DGKI: variants seen among roughly 807,000 people sequenced by gnomAD.
The protein encoded by DGKI is DAG kinase iota.
A neutral mutation model predicts 147.5 loss-of-function variants in DGKI; 55 were observed. That is an observed-to-expected ratio of 0.37 (90% CI 0.30 to 0.47). The LOEUF is 0.47. DGKI is among the 20% of genes least tolerant of loss of function. The pLI, the probability that DGKI is intolerant of heterozygous loss-of-function variation, is 1.00. For missense variants in DGKI, 1,007 were observed against 1,323.8 expected, an observed-to-expected ratio of 0.76 and a Z score of 3.71; for synonymous variants, 469 against 477.1, an observed-to-expected ratio of 0.98 and a Z score of 0.22.
At chr7:137,469,923 T>C (rs1325566471) in intron 23 of DGKI, among the ~76,000 whole-genome samples, 1 of 152,218 alleles carries the variant, frequency 6.6e-6, no homozygotes, top group African/African-American at 2.4e-5. Flanking sequence ...ATTTCTTTCT[T>C]TCCCTTTGTG....
chr7:137,408,993 G>A (rs1306812030), intron 29 of DGKI, among the ~76,000 whole-genome samples: 1 of 152,204 alleles, frequency 6.6e-6, no homozygotes, highest in Non-Finnish European at 1.5e-5. Flanking sequence ...CCCATAAGGT[G>A]AAAGAGCATA....
At chr7:137,770,196 C>G (rs1200990384) in intron 1 of DGKI, among the ~76,000 whole-genome samples, 2 of 152,146 alleles carry the variant, frequency 1.3e-5, no homozygotes, top group African/African-American at 4.8e-5. Flanking sequence ...AGCCATCATT[C>G]TCAGCAAACT....
chr7:137,802,115 CATT>C (rs768319776), intron 1 of DGKI, among the ~76,000 whole-genome samples: 1 of 152,112 alleles, frequency 6.6e-6, no homozygotes, highest in Non-Finnish European at 1.5e-5. Flanking sequence ...AGCTGGAGGC[CATT>C]ATTCTATGTG....
In DGKI at chr7:137,530,505, T is replaced by C. The variant is rs980796867; in HGVS notation, c.2148-8539A>G. Among the ~76,000 whole-genome samples the C allele has an allele frequency of 2.0e-5, 3 of 152,196 alleles. 1 individual carries two copies. The highest frequency in any genetic ancestry group is 2.0e-4 in the Admixed American group (3 of 15,268). ...GTTTAAAACATAAATGTAATCATGA[T>C]ATGACAATGTTGCTCTCCCCATTAA... On this transcript the variant is annotated intron_variant, in intron 20 of 32. Coordinates refer to ENST00000614521, the MANE Select transcript of DGKI (RefSeq NM_001321708.2).
Position 137,465,915 on chromosome 7 carries a change from C to G in DGKI, c.2605G>C (p.Ala869Pro). Residue 869 changes from alanine (A) to proline (P), a missense_variant, in exon 26 of 33, where the codon GCC (alanine) becomes CCC (proline). This residue lies in a region of DGKI where 385 missense variants were observed against 445.2 expected (regional missense o/e 0.86). Transcript: ENST00000614521. The part of the protein sequence containing the change: ...PGMPDLVVEQ[A>P]SGISDWWNPA... Reference sequence around the variant, plus strand: ...CAGGAGAAGCACACTCACCCCGAGGCTTGTTCCACCACCAGGTCAGGCATG... The same window carrying G: ...CAGGAGAAGCACACTCACCCCGAGGGTTGTTCCACCACCAGGTCAGGCATG... 1 of 1,613,890 alleles carries G rather than the reference C, an allele frequency of 6.2e-7. No individual in the cohort carries two copies. The highest frequency in any genetic ancestry group is 1.1e-5 in the South Asian group (1 of 91,050).
At chr7:137,665,582 A>G (rs1822608694) in intron 3 of DGKI, among the ~76,000 whole-genome samples, 1 of 152,198 alleles carries the variant, frequency 6.6e-6, no homozygotes, top group South Asian at 2.1e-4. Flanking sequence ...AGCATTCTGC[A>G]TATGAAGTGT....
At chr7:137,817,744 T>C (rs1190625497) in intron 1 of DGKI, among the ~76,000 whole-genome samples, 1 of 152,236 alleles carries the variant, frequency 6.6e-6, no homozygotes, top group Non-Finnish European at 1.5e-5. Context: ...ATAAGAGTCC[T>C]ATGAATGTAG....
At chr7:137,776,478 T>G (rs1234786052) in intron 1 of DGKI, among the ~76,000 whole-genome samples, 1 of 152,254 alleles carries the variant, frequency 6.6e-6, no homozygotes, top group Non-Finnish European at 1.5e-5. Flanking sequence ...TTAAACATTT[T>G]GACCATCATC....
At chr7:137,776,534 T>C (rs572563891) in intron 1 of DGKI, among the ~76,000 whole-genome samples, 19 of 152,306 alleles carry the variant, frequency 1.2e-4, no homozygotes, top group African/African-American at 3.6e-4. Flanking sequence ...AGAAAAAATA[T>C]AGAAGGATTA....
At chr7:137,700,299 A>G (rs1385465084) in intron 1 of DGKI, among the ~76,000 whole-genome samples, 1 of 152,178 alleles carries the variant, frequency 6.6e-6, no homozygotes, top group Admixed American at 6.5e-5. Flanking sequence ...ACCTGATCTC[A>G]AGACCTGCAA....
At chr7:137,624,669 A>G (rs1240264743) in intron 6 of DGKI, among the ~76,000 whole-genome samples, 9 of 151,814 alleles carry the variant, frequency 5.9e-5, no homozygotes, top group Non-Finnish European at 8.8e-5. Context: ...CAGTGACCCA[A>G]TCTCGTCTCA....
At chr7:137,786,719 A>C (rs1466497659) in intron 1 of DGKI, among the ~76,000 whole-genome samples, 1 of 152,130 alleles carries the variant, frequency 6.6e-6, no homozygotes, top group Non-Finnish European at 1.5e-5. Context: ...ACTCAACTCT[A>C]AACTATACTA....
intron 6 of DGKI, among the ~76,000 whole-genome samples, chr7:137,630,422 G>C (rs1389561704): frequency 6.6e-6 from 1 of 152,176 alleles, no homozygotes; most frequent in African/African-American, 2.4e-5. Flanking sequence ...GGCTCCTGCT[G>C]CAAGCTATAG....
At chr7:137,554,751 T>C (rs995581737) in intron 19 of DGKI, among the ~76,000 whole-genome samples, 1 of 151,772 alleles carries the variant, frequency 6.6e-6, no homozygotes, top group Admixed American at 6.6e-5. Context: ...TCACCGCCAC[T>C]ATCAGCCCCA....
chr7:137,524,838 C>A (rs867662500), intron 20 of DGKI, among the ~76,000 whole-genome samples: 1 of 152,092 alleles, frequency 6.6e-6, no homozygotes, highest in South Asian at 2.1e-4. Flanking sequence ...ACTAAGACCT[C>A]GATTGGGCAG....
chr7:137,634,777 G>A (rs1261420345), intron 6 of DGKI, among the ~76,000 whole-genome samples: 2 of 152,180 alleles, frequency 1.3e-5, no homozygotes, highest in Admixed American at 1.3e-4. Flanking sequence ...GATCAACTTG[G>A]TATATACGTC....
At chr7:137,528,720 C>T (rs950904704) in intron 20 of DGKI, among the ~76,000 whole-genome samples, 2 of 152,124 alleles carry the variant, frequency 1.3e-5, no homozygotes, top group Non-Finnish European at 2.9e-5. Flanking sequence ...CCATCTAATT[C>T]TATACGCCCC....
chr7:137,786,328 G>T (rs1414096505), intron 1 of DGKI, among the ~76,000 whole-genome samples: 2 of 152,052 alleles, frequency 1.3e-5, no homozygotes, highest in African/African-American at 4.8e-5. Flanking sequence ...CACCAACAGT[G>T]ACCAAGTTGA....
At chr7:137,675,158 G>A (rs1585357389) in intron 3 of DGKI, among the ~76,000 whole-genome samples, 1 of 152,224 alleles carries the variant, frequency 6.6e-6, no homozygotes, top group South Asian at 2.1e-4. Context: ...GACTCGCCTG[G>A]AGATCTCTGT....
Sources: allele counts gnomAD v4.1 joint callset (sites outside exome capture counted in the v4.1 genomes callset), GRCh38; gene constraint gnomAD v4.1.1; regional missense constraint gnomAD v4.1.1; transcripts MANE v1.5; gene names NCBI Gene and HGNC (gene_info 2026-07-23, HGNC 2026-07-21).